STK3: variants seen among roughly 807,000 people sequenced by gnomAD.
STK3 encodes the protein serine/threonine-protein kinase 3.
Under a neutral mutation model 58.0 loss-of-function variants are expected in STK3, and 41 were observed. That is an observed-to-expected ratio of 0.71 (90% CI 0.55 to 0.92). The LOEUF is 0.92. STK3 is among the 40% of genes least tolerant of loss of function. The pLI is 0.00. For synonymous variants in STK3, 170 were observed against 191.0 expected (o/e 0.89, Z 0.91); for missense variants, 479 against 602.7 (o/e 0.79, Z 2.15).
chr8:98,788,523 T>C (rs568951554), intron 1 of STK3, among the ~76,000 whole-genome samples: 2 of 151,954 alleles, frequency 1.3e-5, no homozygotes, highest in African/African-American at 4.8e-5. Flanking sequence ...ATCTGCTGCC[T>C]TCAAGAAACA....
chr8:98,400,692 A>C (rs1489778811), downstream of STK3, among the ~76,000 whole-genome samples: 2 of 152,216 alleles, frequency 1.3e-5, no homozygotes, highest in African/African-American at 4.8e-5. Flanking sequence ...CTGCTACAAT[A>C]AAAGTCCCTA....
chr8:98,669,597 T>C (rs937434004), intron 6 of STK3, among the ~76,000 whole-genome samples: 1 of 152,196 alleles, frequency 6.6e-6, no homozygotes, highest in Non-Finnish European at 1.5e-5. Context: ...TTAGAGAAAC[T>C]ACATGTTCTA....
intron 6 of STK3, among the ~76,000 whole-genome samples, chr8:98,603,795 G>A (rs1464051423): frequency 6.6e-6 from 1 of 152,054 alleles, no homozygotes; most frequent in Non-Finnish European, 1.5e-5. Flanking sequence ...AGGAAAGGAA[G>A]AAGGGAAGGG....
At position 98,429,748 on chromosome 8, in the gene STK3, A is replaced by G. The variant is rs539660259; in HGVS notation, n.483+4379T>C. 13 of 260,224 alleles carry G rather than the reference A, an allele frequency of 5.0e-5. No individual in the cohort carries two copies. The East Asian group carries it at 1.0e-3, about 20-fold the overall frequency. 16.1% of individuals were successfully genotyped at this position (260,224 alleles called of 1,614,324 possible). On this transcript the variant is annotated intron_variant and non_coding_transcript_variant, in intron 3 of 3. Coordinates refer to the STK3 transcript ENST00000517832. ...GCTATTCTAGTGCTTGTGGCCCAGT[A>G]CTGTCTATGAGTTGTCGTGCTCCTG... is the stretch of plus-strand genomic sequence containing the variant.
At position 98,814,075 on chromosome 8, in the gene STK3, G is replaced by A. The variant is rs144477989; in HGVS notation, c.26+11440C>T. On this transcript the variant is annotated intron_variant, in intron 1 of 10. Transcript: ENST00000419617. ...TGATTTTTTTCTTCTTTTTGAGACG[G>A]AGTCTCACTCTGTCGCCCAGGCAGG... Among the ~76,000 whole-genome samples, 800 of 152,212 alleles carry A rather than the reference G, an allele frequency of 5.3e-3. 4 individuals are homozygous for A. Among genetic ancestry groups the A allele is most frequent in the Non-Finnish European group, 7.1e-3 (484 of 68,030 alleles).
chr8:98,931,579 T>A lies in STK3; in HGVS notation c.-79+10799A>T, dbSNP rs147787135. Among the ~76,000 whole-genome samples the A allele has an allele frequency of 2.6e-5, 4 of 152,280 alleles. No homozygotes were observed. The East Asian group carries it at 7.7e-4, about 29-fold the overall frequency. The stretch of plus-strand genomic sequence containing the variant: ...AAACCCAGATACCCAGCAGATAACA[T>A]CATGGTTGTAATGAGGTAACAGTGA... On this transcript the variant is annotated intron_variant, in intron 1 of 1. Coordinates refer to the STK3 transcript ENST00000519420.
At chr8:98,834,148 G>C (rs1049645809) in intron 3 of STK3, among the ~76,000 whole-genome samples, 11 of 152,194 alleles carry the variant, frequency 7.2e-5, no homozygotes, top group African/African-American at 2.7e-4. Context: ...TGTAGCACCA[G>C]ACACCATAAG....
rs1374551010 is a variant in STK3, at chr8:98,548,173, A to T, written c.949-12T>A. On this transcript the variant is annotated splice_polypyrimidine_tract_variant and intron_variant, in intron 8 of 10. Transcript: ENST00000419617. The stretch of plus-strand genomic sequence containing the variant: ...AGCTCATCTTCATCCTGCAAGCAAA[A>T]TACTGCAATGAGGGAAGACTTTTCT... 6.7e-7 allele frequency: 1 copy of T among 1,502,766 alleles called. No individual in the cohort carries two copies. The highest frequency in any genetic ancestry group is 1.4e-5 in the South Asian group (1 of 70,932). The allele number at this position is 1,502,766 out of a possible 1,614,324, so 93.1% of individuals were successfully genotyped here. A position where few individuals can be genotyped will look rare whatever the true frequency, so the allele number is the denominator to read the frequency against.
At chr8:98,778,008 C>T (rs150591216) in intron 1 of STK3, among the ~76,000 whole-genome samples, 70 of 152,250 alleles carry the variant, frequency 4.6e-4, no homozygotes, top group African/African-American at 1.6e-3. Flanking sequence ...GCAATGGCAA[C>T]GAAAGCCAAA....
At chr8:98,826,913 C>T (rs1180294152), upstream of STK3, among the ~76,000 whole-genome samples, 1 of 138,226 alleles carries the variant, frequency 7.2e-6, no homozygotes, top group Non-Finnish European at 1.5e-5. Context: ...CTCCCAGCTG[C>T]TTGGGAGGCT....
chr8:98,836,172 G>C (rs1489870165), intron 3 of STK3, among the ~76,000 whole-genome samples: 1 of 151,930 alleles, frequency 6.6e-6, no homozygotes, highest in South Asian at 2.1e-4. Context: ...TTGCACTCCA[G>C]CCTGGGCAAC....
chr8:98,436,181 G>C (rs1244285887), intron 2 of STK3, among the ~76,000 whole-genome samples: 1 of 152,094 alleles, frequency 6.6e-6, no homozygotes, highest in Non-Finnish European at 1.5e-5. Flanking sequence ...TGCAGGCTCT[G>C]CTTTTCCCTC....
intron 6 of STK3, among the ~76,000 whole-genome samples, chr8:98,648,576 T>C (rs1435358484): frequency 2.0e-5 from 3 of 152,290 alleles, no homozygotes; most frequent in African/African-American, 4.8e-5. Flanking sequence ...AGTGGAGCCA[T>C]AACATTTTTA....
intron 6 of STK3, among the ~76,000 whole-genome samples, chr8:98,676,853 A>G (rs955130882): frequency 2.6e-5 from 4 of 152,168 alleles, no homozygotes; most frequent in Non-Finnish European, 5.9e-5. Flanking sequence ...ACTCTAAATT[A>G]TTTTTAAGGC....
Position 98,671,613 on chromosome 8 carries a change from G to A in STK3, c.684+34854C>T, listed in dbSNP as rs189380659. On this transcript the variant is annotated intron_variant, in intron 6 of 10. Transcript: ENST00000419617. ...TTGTTTTTTTGGGACAGGGTCTCTC[G>A]CTCTGTCACCCAGGCTAGAGTGCAG... Among the ~76,000 whole-genome samples the A allele has an allele frequency of 8.4e-3, 1,276 of 151,368 alleles. 11 individuals carry two copies. Among genetic ancestry groups the A allele is most frequent in the African/African-American group, 0.029 (1,202 of 41,244 alleles).
rs553855327 is a variant in STK3, at chr8:98,784,807, T to C, written c.27-9988A>G. 1.5e-4 allele frequency among the ~76,000 whole-genome samples: 23 copies of C among 151,760 alleles called. 1 individual carries two copies. In the Middle Eastern group the frequency reaches 0.024, roughly 160 times the overall value. On this transcript the variant is annotated intron_variant, in intron 1 of 10. Coordinates refer to ENST00000419617, the MANE Select transcript of STK3 (RefSeq NM_006281.4). ...GACTAGCAGATTGAGTTGCCCCACT[T>C]TTCCTGTGCAGAGATTCTGTGCAGG...
At chr8:98,940,428 A>T (rs1840367424) in intron 1 of STK3, among the ~76,000 whole-genome samples, 1 of 152,052 alleles carries the variant, frequency 6.6e-6, no homozygotes, top group Admixed American at 6.5e-5. Flanking sequence ...ACGGCCACGC[A>T]ACTTGCCCTG....
intron 1 of STK3, among the ~76,000 whole-genome samples, chr8:98,797,978 C>T (rs116759625): frequency 0.011 from 1,611 of 152,184 alleles, 19 homozygotes; most frequent in East Asian, 0.044. Flanking sequence ...ATTTTGTGAA[C>T]GATTAAAGAG....
chr8:98,931,883 T>C (rs1840018530), intron 1 of STK3, among the ~76,000 whole-genome samples: 1 of 152,244 alleles, frequency 6.6e-6, no homozygotes, highest in Non-Finnish European at 1.5e-5. Context: ...GAATGGTCCC[T>C]CTTGCTCCAG....
Sources: gnomAD v4.1 joint callset for allele counts (sites outside exome capture counted in the v4.1 genomes callset) on GRCh38, gnomAD v4.1.1 for gene constraint, MANE v1.5 for transcripts, NCBI Gene and HGNC (gene_info 2026-07-23, HGNC 2026-07-21) for gene names.